Variants in TCF12 observed in about 807,000 individuals in gnomAD.
The protein encoded by TCF12 is DNA-binding protein HTF4.
TCF12 carries 45 observed loss-of-function variants against 86.0 expected under a neutral mutation model. The ratio of observed to expected loss-of-function variants is 0.52; its 90% CI spans 0.41 to 0.67. The LOEUF is 0.67. Ranked by LOEUF, TCF12 falls within the 30% of genes least tolerant of loss-of-function variation. TCF12 has a pLI of 0.00. For synonymous variants in TCF12, 330 were observed against 299.6 expected (o/e 1.10, Z -1.05); for missense variants, 881 against 859.9 (o/e 1.02, Z -0.31).
At chr15:56,934,564 G>C (rs2060385499) in intron 3 of TCF12, among the ~76,000 whole-genome samples, 1 of 152,182 alleles carries the variant, frequency 6.6e-6, no homozygotes, top group African/African-American at 2.4e-5. Context: ...TGATGAAGAT[G>C]CTCCTGCAGC....
At chr15:57,180,900 C>T (rs1354927812) in intron 6 of TCF12, among the ~76,000 whole-genome samples, 1 of 143,330 alleles carries the variant, frequency 7.0e-6, no homozygotes, top group Non-Finnish European at 1.5e-5. Flanking sequence ...CTGCAAGCTC[C>T]GCCTCCCAGG....
At chr15:56,996,490 T>A (rs1226868214) in intron 3 of TCF12, among the ~76,000 whole-genome samples, 1 of 152,088 alleles carries the variant, frequency 6.6e-6, no homozygotes, top group Non-Finnish European at 1.5e-5. Context: ...TATACAAAAA[T>A]TAACTGAAGA....
chr15:57,126,667 T>C (rs1751794164), intron 5 of TCF12, among the ~76,000 whole-genome samples: 1 of 152,242 alleles, frequency 6.6e-6, no homozygotes, highest in African/African-American at 2.4e-5. Flanking sequence ...AGCCTGCATC[T>C]ACCAATCTTG....
At chr15:57,062,767 G>A (rs1473776378) in intron 3 of TCF12, among the ~76,000 whole-genome samples, 1 of 152,160 alleles carries the variant, frequency 6.6e-6, no homozygotes, top group African/African-American at 2.4e-5. Flanking sequence ...TCTAAACTTA[G>A]CAGAATGTTA....
At chr15:57,183,414 T>A (rs1338657098) in intron 6 of TCF12, among the ~76,000 whole-genome samples, 1 of 152,210 alleles carries the variant, frequency 6.6e-6, no homozygotes, top group Non-Finnish European at 1.5e-5. Context: ...CTTGAATCTG[T>A]CACACCCTCT....
intron 13 of TCF12, among the ~76,000 whole-genome samples, chr15:57,244,349 G>C (rs1389242565): frequency 6.7e-6 from 1 of 149,344 alleles, no homozygotes; most frequent in Non-Finnish European, 1.5e-5. Context: ...GGTCAACTAA[G>C]TTATTTCCCA....
intron 3 of TCF12, among the ~76,000 whole-genome samples, chr15:57,004,411 T>A (rs1180773641): frequency 1.3e-5 from 2 of 151,946 alleles, no homozygotes; most frequent in African/African-American, 4.8e-5. Flanking sequence ...CTAATTTTTT[T>A]ATTTTTTATT....
chr15:57,015,837 G>C (rs2585109), intron 3 of TCF12, among the ~76,000 whole-genome samples: 1 of 152,190 alleles, frequency 6.6e-6, no homozygotes, highest in Non-Finnish European at 1.5e-5. Flanking sequence ...TCCAACCATT[G>C]TAAACAACAC....
intron 4 of TCF12, among the ~76,000 whole-genome samples, chr15:57,083,450 A>G (rs1206150796): frequency 1.3e-5 from 2 of 152,162 alleles, no homozygotes; most frequent in African/African-American, 4.8e-5. Flanking sequence ...AAAATCTGAG[A>G]AATAATATAT....
At chr15:57,184,957 G>A (rs1159612918) in intron 6 of TCF12, among the ~76,000 whole-genome samples, 2 of 151,974 alleles carry the variant, frequency 1.3e-5, no homozygotes, top group Non-Finnish European at 2.9e-5. Context: ...TTCTTCTGGA[G>A]GTTATTATTT....
At chr15:57,213,138 C>A (rs961779228) in intron 8 of TCF12, among the ~76,000 whole-genome samples, 1 of 152,094 alleles carries the variant, frequency 6.6e-6, no homozygotes, top group Non-Finnish European at 1.5e-5. Flanking sequence ...GCTTGTTTTG[C>A]GTTGTTCTTT....
intron 4 of TCF12, among the ~76,000 whole-genome samples, chr15:57,067,050 C>T (rs1174766968): frequency 6.6e-6 from 1 of 152,124 alleles, no homozygotes; most frequent in Non-Finnish European, 1.5e-5. Context: ...TAGGCTTATC[C>T]CCATTCTTTC....
chr15:56,923,394 A>T (rs558749537), intron 3 of TCF12, among the ~76,000 whole-genome samples: 1 of 152,210 alleles, frequency 6.6e-6, no homozygotes, highest in South Asian at 2.1e-4. Flanking sequence ...AGGTGTGTTT[A>T]CTACTACTAA....
At chr15:57,010,395 C>A (rs1414296761) in intron 3 of TCF12, among the ~76,000 whole-genome samples, 1 of 151,952 alleles carries the variant, frequency 6.6e-6, no homozygotes, top group African/African-American at 2.4e-5. Flanking sequence ...CAAAAATAAA[C>A]AAGACATGCA....
chr15:57,273,284 G>A (rs187816369), intron 19 of TCF12, 22 bp downstream of exon 19: 3 of 1,609,268 alleles, frequency 1.9e-6, no homozygotes, highest in Admixed American at 1.7e-5. Flanking sequence ...CAGCCGAGAT[G>A]TATAACTGTT....
chr15:57,253,811 A>G (rs1186547001), intron 16 of TCF12, among the ~76,000 whole-genome samples: 2 of 152,218 alleles, frequency 1.3e-5, no homozygotes, highest in African/African-American at 4.8e-5. Context: ...TGTTTATTGT[A>G]ATTTAGAACC....
chr15:57,051,235 G>T (rs1236487736), intron 3 of TCF12, among the ~76,000 whole-genome samples: 2 of 152,188 alleles, frequency 1.3e-5, no homozygotes, highest in African/African-American at 4.8e-5. Context: ...GTTAGTCTCT[G>T]CTGTGGTGCC....
chr15:57,219,722 T>A, intron 8 of TCF12: 4 of 347,844 alleles, frequency 1.1e-5, no homozygotes, highest in Admixed American at 8.1e-5. Context: ...GTAGATTTCT[T>A]TTTTTTTTTT....
At chr15:57,192,325 C>T (rs1272179843) in intron 7 of TCF12, 32 bp downstream of exon 7, 2 of 1,603,380 alleles carry the variant, frequency 1.2e-6, no homozygotes, top group African/African-American at 1.3e-5. Context: ...TCCCATCCCA[C>T]ATATGTTGTT....
Sources: allele counts gnomAD v4.1 joint callset (sites outside exome capture counted in the v4.1 genomes callset), GRCh38; gene constraint gnomAD v4.1.1; transcripts MANE v1.5; gene names NCBI Gene and HGNC (gene_info 2026-07-23, HGNC 2026-07-21).